Variants in EXOC4 observed in about 807,000 individuals in gnomAD.
EXOC4 encodes SEC8-like 1.
A neutral mutation model predicts 107.2 loss-of-function variants in EXOC4; 71 were observed. The ratio of observed to expected loss-of-function variants is 0.66; its 90% CI spans 0.55 to 0.81. The LOEUF (loss-of-function observed/expected upper bound fraction) is 0.81, where lower values mean the gene tolerates loss of function less well. Ranked by LOEUF, EXOC4 falls within the 30% of genes least tolerant of loss-of-function variation. EXOC4 has a pLI of 0.00. For synonymous variants in EXOC4, 456 were observed against 441.2 expected, an observed-to-expected ratio of 1.03 and a Z score of -0.42; for missense variants, 1,108 against 1,189.6, an observed-to-expected ratio of 0.93 and a Z score of 1.01.
At chr7:133,916,908 G>T (rs1037718557) in intron 12 of EXOC4, among the ~76,000 whole-genome samples, 1 of 152,170 alleles carries the variant, frequency 6.6e-6, no homozygotes, top group Non-Finnish European at 1.5e-5. Context: ...CATTTAAGAT[G>T]AATTTACAGG....
chr7:133,878,189 A>G (rs556798633), intron 11 of EXOC4, among the ~76,000 whole-genome samples: 1 of 152,318 alleles, frequency 6.6e-6, no homozygotes, highest in African/African-American at 2.4e-5. Flanking sequence ...TAATATCTCC[A>G]TATTTCTAAT....
At chr7:133,757,097 G>GTT (rs1418910979) in intron 10 of EXOC4, among the ~76,000 whole-genome samples, 1 of 152,148 alleles carries the variant, frequency 6.6e-6, no homozygotes, top group Non-Finnish European at 1.5e-5. Context: ...TTTTCTGTGC[G>GTT]TAAGTGGCTG....
At position 133,997,583 on chromosome 7, in the gene EXOC4, G is replaced by A. The variant is rs146827346; in HGVS notation, c.2298G>A (p.Ser766=). The change falls in exon 15 of 18, where the codon TCG becomes TCA. Residue 766 remains serine, a synonymous_variant. Transcript: ENST00000253861. ...IMQTLSELAK[S]FQDMADRCLL... ...AGACTCTCAGTGAACTTGCCAAATC[G>A]TTCCAGGATATGGCTGACCGCTGCT... 1,256 of 1,613,598 alleles carry A rather than the reference G, an allele frequency of 7.8e-4. 3 individuals are homozygous for A. The highest frequency in any genetic ancestry group is 7.8e-4 in the Non-Finnish European group (915 of 1,179,762).
intron 17 of EXOC4, among the ~76,000 whole-genome samples, chr7:134,021,748 T>C (rs900519259): frequency 8.1e-6 from 1 of 123,844 alleles, no homozygotes; most frequent in Non-Finnish European, 1.7e-5. Context: ...AAAAAAAAAG[T>C]GGAGTAGGAG....
intron 7 of EXOC4, chr7:133,396,378 C>T (rs1282260098): frequency 6.6e-6 from 1 of 152,138 alleles, no homozygotes; most frequent in East Asian, 1.9e-4. Context: ...ATTATTCTTC[C>T]GTTCAGATGA....
intron 11 of EXOC4, among the ~76,000 whole-genome samples, chr7:133,888,181 A>C (rs1235867813): frequency 1.0e-5 from 1 of 98,282 alleles, no homozygotes; most frequent in African/African-American, 8.0e-5. Flanking sequence ...GTAACTCGTA[A>C]TTCAAGCTAA....
chr7:133,422,510 A>G (rs540300753), intron 7 of EXOC4, among the ~76,000 whole-genome samples: 8 of 152,186 alleles, frequency 5.3e-5, no homozygotes, highest in South Asian at 4.1e-4. Context: ...TGTGTTTCCT[A>G]TAGTTTGCAT....
intron 17 of EXOC4, among the ~76,000 whole-genome samples, chr7:134,020,234 A>G (rs746010124): frequency 1.8e-4 from 28 of 152,328 alleles, no homozygotes; most frequent in Non-Finnish European, 3.2e-4. Context: ...AATTGTTTTA[A>G]GTGGAAACTC....
chr7:133,548,036 A>G (rs1399887368), intron 9 of EXOC4, among the ~76,000 whole-genome samples: 1 of 150,004 alleles, frequency 6.7e-6, no homozygotes, highest in African/African-American at 2.5e-5. Flanking sequence ...GTTTTTTAAA[A>G]TAATAGGACT....
intron 10 of EXOC4, among the ~76,000 whole-genome samples, chr7:133,787,953 A>T (rs1451258800): frequency 9.0e-4 from 14 of 15,620 alleles, no homozygotes; most frequent in African/African-American, 1.9e-3. Context: ...CTGTGCATAT[A>T]TTTATATATT....
the EXOC4 span, among the ~76,000 whole-genome samples, chr7:134,099,522 C>CTTTT: frequency 2.2e-4 from 23 of 103,936 alleles, no homozygotes; most frequent in East Asian, 5.7e-4. Flanking sequence ...CATCACACTT[C>CTTTT]TTTTTTTTTT....
At chr7:133,687,511 C>T (rs1794332446) in intron 10 of EXOC4, among the ~76,000 whole-genome samples, 2 of 152,132 alleles carry the variant, frequency 1.3e-5, no homozygotes. Flanking sequence ...ACCATAATTG[C>T]TTCCTTGCCC....
chr7:133,921,915 C>G (rs548691065), intron 13 of EXOC4, among the ~76,000 whole-genome samples: 2 of 152,042 alleles, frequency 1.3e-5, no homozygotes, highest in South Asian at 4.2e-4. Context: ...TTTTATTCTT[C>G]TTTTCTCTTT....
intron 10 of EXOC4, among the ~76,000 whole-genome samples, chr7:133,674,496 T>A (rs541460164): frequency 2.2e-4 from 33 of 152,282 alleles, no homozygotes; most frequent in Admixed American, 5.9e-4. Flanking sequence ...ACCAAATGAG[T>A]TTGGTGTGTT....
chr7:133,449,863 C>T (rs1798301846), intron 7 of EXOC4, among the ~76,000 whole-genome samples: 1 of 151,716 alleles, frequency 6.6e-6, no homozygotes, highest in Admixed American at 6.6e-5. Context: ...GCTGTTTTTC[C>T]CATCTATATT....
chr7:133,260,254 T>C (rs961277025), intron 1 of EXOC4, among the ~76,000 whole-genome samples: 3 of 151,400 alleles, frequency 2.0e-5, no homozygotes, highest in Non-Finnish European at 2.9e-5. Flanking sequence ...GAAGACATAG[T>C]GTAAGCCCTT....
At chr7:133,344,165 C>T (rs1005498295) in intron 5 of EXOC4, among the ~76,000 whole-genome samples, 1 of 151,700 alleles carries the variant, frequency 6.6e-6, no homozygotes, top group African/African-American at 2.4e-5. Context: ...ATCATTTTCT[C>T]TTCACACTTT....
intron 10 of EXOC4, among the ~76,000 whole-genome samples, chr7:133,693,665 A>T (rs1035984839): frequency 1.3e-5 from 2 of 152,052 alleles, no homozygotes; most frequent in Non-Finnish European, 2.9e-5. Context: ...TTAAATCAAT[A>T]AAAAAAATAT....
intron 8 of EXOC4, chr7:133,479,338 A>G (rs1484176811): frequency 2.0e-5 from 3 of 152,026 alleles, no homozygotes; most frequent in Non-Finnish European, 2.9e-5. Context: ...CCTGTTCTTT[A>G]TCATGAGTCT....
Sources: allele counts gnomAD v4.1 joint callset (sites outside exome capture counted in the v4.1 genomes callset), GRCh38; gene constraint gnomAD v4.1.1; transcripts MANE v1.5; gene names NCBI Gene and HGNC (gene_info 2026-07-23, HGNC 2026-07-21).